GALNT14: variants seen among roughly 807,000 people sequenced by gnomAD.
GALNT14 encodes polypeptide N-acetylgalactosaminyltransferase 14.
In GALNT14, 60 loss-of-function variants were observed where a neutral mutation model predicts 77.5. The observed-to-expected ratio is 0.77, with a 90% CI of 0.63 to 0.96. The LOEUF (loss-of-function observed/expected upper bound fraction) is 0.96. Among genes scored for constraint, GALNT14 ranks in the 40% least tolerant of loss-of-function variants. The pLI is 0.00. For synonymous variants in GALNT14, 280 were observed against 281.7 expected, an observed-to-expected ratio of 0.99 and a Z score of 0.06; for missense variants, 710 against 731.0, an observed-to-expected ratio of 0.97 and a Z score of 0.33.
chr2:30,949,711 G>C (rs1037692004), intron 6 of GALNT14, among the ~76,000 whole-genome samples: 1 of 152,244 alleles, frequency 6.6e-6, no homozygotes, highest in African/African-American at 2.4e-5. Flanking sequence ...AAAGCTCCTA[G>C]AGATGTCCAC....
intron 1 of GALNT14, among the ~76,000 whole-genome samples, chr2:31,126,067 A>G (rs1678686235): frequency 6.6e-6 from 1 of 152,248 alleles, no homozygotes; most frequent in Non-Finnish European, 1.5e-5. Flanking sequence ...CAGCATTCAT[A>G]AGGGGATGTC....
intron 1 of GALNT14, among the ~76,000 whole-genome samples, chr2:31,135,615 A>T (rs1020475873): frequency 6.6e-6 from 1 of 152,244 alleles, no homozygotes; most frequent in African/African-American, 2.4e-5. Flanking sequence ...TGAGGAAAAG[A>T]AGGAACAAGA....
At chr2:31,058,653 A>G (rs917616577) in intron 1 of GALNT14, among the ~76,000 whole-genome samples, 45 of 152,190 alleles carry the variant, frequency 3.0e-4, no homozygotes, top group Admixed American at 5.9e-4. Context: ...GTACTGCTAG[A>G]TTTACTCATT....
At chr2:31,036,959 G>C (rs904332477) in intron 1 of GALNT14, among the ~76,000 whole-genome samples, 6 of 152,114 alleles carry the variant, frequency 3.9e-5, no homozygotes, top group African/African-American at 1.2e-4. Flanking sequence ...GACGTGTCTA[G>C]GTGAAAATTT....
chr2:30,924,055 G>A, intron 13 of GALNT14, 64 bp downstream of exon 13: 1 of 1,580,670 alleles, frequency 6.3e-7, no homozygotes, highest in Middle Eastern at 1.7e-4. Context: ...GATGGAGGCA[G>A]AGTCATCTGG....
chr2:31,116,159 C>T (rs1359741803), intron 1 of GALNT14, among the ~76,000 whole-genome samples: 1 of 151,896 alleles, frequency 6.6e-6, no homozygotes, highest in Non-Finnish European at 1.5e-5. Flanking sequence ...AGATAACAGT[C>T]AGCATAGATG....
chr2:30,936,513 A>C (rs1352482617), intron 9 of GALNT14, among the ~76,000 whole-genome samples: 1 of 152,196 alleles, frequency 6.6e-6, no homozygotes, highest in Non-Finnish European at 1.5e-5. Flanking sequence ...AGCATTGTCC[A>C]TTCTACTTTT....
chr2:30,904,289 T>A, the GALNT14 span, among the ~76,000 whole-genome samples: 1 of 152,214 alleles, frequency 6.6e-6, no homozygotes, highest in Non-Finnish European at 1.5e-5. Flanking sequence ...TGCATTTCCA[T>A]CTGAGGTACG....
chr2:30,994,683 C>A (rs1014486972), intron 1 of GALNT14, among the ~76,000 whole-genome samples: 2 of 152,104 alleles, frequency 1.3e-5, no homozygotes, highest in African/African-American at 2.4e-5. Flanking sequence ...TGGAACATCA[C>A]CCCACGGTAA....
intron 1 of GALNT14, among the ~76,000 whole-genome samples, chr2:31,103,947 T>C (rs1220378271): frequency 6.6e-6 from 1 of 152,232 alleles, no homozygotes. Flanking sequence ...CCCTGAGTTA[T>C]TGCATGTCCA....
chr2:30,976,999 AGTCG>A (rs1668671556), intron 2 of GALNT14, among the ~76,000 whole-genome samples: 2 of 152,110 alleles, frequency 1.3e-5, no homozygotes, highest in South Asian at 4.1e-4. Flanking sequence ...CCCCCCTACC[AGTCG>A]GTGCCCTCAC....
intron 12 of GALNT14, among the ~76,000 whole-genome samples, 195 bp from the exon 13 acceptor site, chr2:30,924,458 G>A (rs113008342): frequency 3.3e-4 from 51 of 152,310 alleles, no homozygotes; most frequent in Non-Finnish European, 5.4e-4. Flanking sequence ...AGAGGGAGAT[G>A]AGTACCTGCA....
At position 31,003,758 on chromosome 2, in the gene GALNT14, GA is replaced by G. The variant is rs1224979873; in HGVS notation, c.130-10752del. Among the ~76,000 whole-genome samples the G allele has an allele frequency of 1.4e-4, 21 of 152,326 alleles. No homozygotes were observed. The East Asian group carries it at 4.1e-3, about 29-fold the overall frequency. On this transcript the variant is annotated intron_variant, in intron 1 of 14. Transcript: ENST00000349752. ...AAATTCCAACAGTGAAACATAATAT[GA>G]TTAACTGAATGGACAGAAGCCCGGT...
chr2:31,138,116 G>C lies in GALNT14; in HGVS notation c.-30C>G, dbSNP rs1178282736. ...CCCTTTGCCGCTTCCTCTCCGCGGC[G>C]CTACGTCCCGGGGGCACCCCCCGGC... On this transcript the variant is annotated 5_prime_UTR_variant, in exon 1 of 15. Transcript: ENST00000349752. 5.0e-6 allele frequency: 8 copies of C among 1,613,102 alleles called. No homozygotes were observed. The highest frequency in any genetic ancestry group is 5.1e-6 in the Non-Finnish European group (6 of 1,179,568).
intron 3 of GALNT14, among the ~76,000 whole-genome samples, chr2:30,961,241 G>A (rs975255009): frequency 1.3e-5 from 2 of 152,216 alleles, no homozygotes; most frequent in African/African-American, 4.8e-5. Context: ...TTGTGCCTGT[G>A]AAATAAGGAA....
At chr2:31,026,532 G>A (rs1018336060) in intron 1 of GALNT14, among the ~76,000 whole-genome samples, 6 of 152,152 alleles carry the variant, frequency 3.9e-5, no homozygotes, top group African/African-American at 9.7e-5. Context: ...TCGGGGTGAC[G>A]CCAAGTCACC....
At chr2:30,942,377 G>A in intron 8 of GALNT14, 73 bp from the exon 9 acceptor site, 2 of 1,156,682 alleles carry the variant, frequency 1.7e-6, no homozygotes, top group South Asian at 2.6e-5. Context: ...TCGGCCCCTT[G>A]AGTCTGAAAC....
At chr2:30,972,040 G>A (rs760111557) in intron 2 of GALNT14, among the ~76,000 whole-genome samples, 4 of 152,320 alleles carry the variant, frequency 2.6e-5, no homozygotes, top group East Asian at 1.9e-4. Context: ...TTCCTCCTGC[G>A]GCATGCTGCC....
At chr2:30,980,606 G>A (rs867545506) in intron 2 of GALNT14, among the ~76,000 whole-genome samples, 1 of 152,218 alleles carries the variant, frequency 6.6e-6, no homozygotes, top group South Asian at 2.1e-4. Flanking sequence ...GCTAGTAAGT[G>A]ACAGAGATGT....
Sources: gnomAD v4.1 joint callset for allele counts (sites outside exome capture counted in the v4.1 genomes callset) on GRCh38, gnomAD v4.1.1 for gene constraint, MANE v1.5 for transcripts, NCBI Gene and HGNC (gene_info 2026-07-23, HGNC 2026-07-21) for gene names.